The following CTPS1 variants were observed in gnomAD, a reference collection of about 807,000 sequenced individuals.
CTPS1 encodes CTP synthase 1.
In CTPS1, 25 loss-of-function variants were observed where a neutral mutation model predicts 80.5. That is an observed-to-expected ratio of 0.31 (90% CI 0.23 to 0.43). CTPS1 has a LOEUF of 0.43. CTPS1 is among the 20% of genes least tolerant of loss of function. The pLI, the probability that CTPS1 is intolerant of heterozygous loss-of-function variation, is 1.00. For synonymous variants in CTPS1, 267 were observed against 252.5 expected (o/e 1.06, Z -0.54); for missense variants, 442 against 725.7 (o/e 0.61, Z 4.49).
At chr1:41,008,612 A>G (rs767826271) in intron 14 of CTPS1, 47 bp from the exon 15 acceptor site, 1 of 1,590,240 alleles carries the variant, frequency 6.3e-7, no homozygotes. Context: ...TGAACGCATC[A>G]TCCTGTGAGA....
intron 4 of CTPS1, 39 bp downstream of exon 4, chr1:40,987,511 TCTC>T: frequency 7.1e-7 from 1 of 1,403,204 alleles, no homozygotes; most frequent in South Asian, 1.2e-5. Context: ...AGTGTACTCA[TCTC>T]CTTAGTCAGC....
At position 41,003,101 on chromosome 1, in the gene CTPS1, C is replaced by A; in HGVS notation, c.1190-13C>A. 6.2e-7 allele frequency: 1 copy of A among 1,613,942 alleles called. No homozygotes were observed. Among genetic ancestry groups the A allele is most frequent in the Non-Finnish European group, 8.5e-7 (1 of 1,179,912 alleles). On this transcript the variant is annotated splice_polypyrimidine_tract_variant and intron_variant, in intron 11 of 18. Coordinates refer to ENST00000650070, the MANE Select transcript of CTPS1 (RefSeq NM_001905.4). ...CAATGGAGTTTTGTTTGTTTTTTCC[C>A]CCCGACTGGAAGGCGTGTGCTTAGG...
chr1:40,998,396 T>TAAA (rs56282224), intron 9 of CTPS1, among the ~76,000 whole-genome samples: 4 of 64,588 alleles, frequency 6.2e-5, no homozygotes, highest in African/African-American at 2.3e-4. Context: ...AGACTCTGTC[T>TAAA]AAAAAAAAAA....
Position 41,002,213 on chromosome 1 carries a change from A to G in CTPS1, c.1148A>G (p.Gln383Arg). 2.5e-6 allele frequency: 4 copies of G among 1,614,200 alleles called. No homozygotes were observed. Among genetic ancestry groups the G allele is most frequent in the Non-Finnish European group, 3.4e-6 (4 of 1,180,042 alleles). ...GTTCGAGGAACAGAAGGAAAAATCC[A>G]AGCAATTGCCTGGGCTCGGAATCAG... Reference protein sequence around the residue: ...FGVRGTEGKIQAIAWARNQKK... With the variant: ...FGVRGTEGKIRAIAWARNQKK... The change falls in exon 11 of 19, where the codon CAA becomes CGA. Residue 383 changes from glutamine to arginine, a missense_variant. Gln to Arg is a conservative substitution (Grantham distance 43). This residue lies in a region of CTPS1 where 321 missense variants were observed against 467.2 expected (regional missense o/e 0.69). Transcript: ENST00000650070.
At chr1:41,001,151 T>G (rs377484928) in intron 10 of CTPS1, 34 bp downstream of exon 10, 262 of 1,512,712 alleles carry the variant, frequency 1.7e-4, no homozygotes, top group Non-Finnish European at 2.2e-4. Context: ...GTTTCCAGAG[T>G]TCTTTTGGTT....
chr1:40,984,356 T>C (rs561188480), intron 2 of CTPS1, among the ~76,000 whole-genome samples: 2 of 152,352 alleles, frequency 1.3e-5, no homozygotes, highest in South Asian at 4.1e-4. Flanking sequence ...CAAAGTTGTT[T>C]AGAACAAAAG....
At position 41,009,452 on chromosome 1, in the gene CTPS1, C is replaced by CTTTTTT. The variant is rs1570985483; in HGVS notation, c.1555_1560dup (p.Phe519_Phe520dup). ...TTTGAATCTCTATTTCAGATCATCCCTTTTTTGTTGGGGTTCAGTACCACC... is the reference window on the plus strand; with the variant it reads ...TTTGAATCTCTATTTCAGATCATCCCTTTTTTTTTTTTGTTGGGGTTCAGTACCACC... On this transcript the variant is annotated inframe_insertion, in exon 17 of 19. Transcript: ENST00000650070. The CTTTTTT allele has an allele frequency of 6.4e-7, 1 of 1,569,746 alleles. No individual in the cohort carries two copies. Among genetic ancestry groups the CTTTTTT allele is most frequent in the Admixed American group, 2.0e-5 (1 of 49,310 alleles).
Position 41,008,722 on chromosome 1 carries a change from T to G in CTPS1, c.1449+8T>G. On this transcript the variant is annotated splice_region_variant and intron_variant, in intron 15 of 18. Coordinates refer to ENST00000650070, the MANE Select transcript of CTPS1 (RefSeq NM_001905.4). The stretch of plus-strand genomic sequence containing the variant: ...CACCGCCACCGATTTGAGGTGAGGA[T>G]TCCAGCTTGCTGGTACTCTGGAAAG... The G allele has an allele frequency of 1.2e-6, 2 of 1,614,184 alleles. No individual in the cohort carries two copies. The highest frequency in any genetic ancestry group is 1.7e-6 in the Non-Finnish European group (2 of 1,180,014).
At chr1:40,986,700 G>T (rs781181691) in intron 3 of CTPS1, among the ~76,000 whole-genome samples, 5 of 152,204 alleles carry the variant, frequency 3.3e-5, no homozygotes, top group Non-Finnish European at 4.4e-5. Flanking sequence ...GATTTTTGAA[G>T]TGTTGAGCAA....
In CTPS1 at chr1:40,985,011, T is replaced by C. The variant is rs1368926714; in HGVS notation, c.337+20T>C. On this transcript the variant is annotated intron_variant, in intron 3 of 18. Transcript: ENST00000650070. ...TCCAAGGTAATACTGGATTTACCTT[T>C]AAAGCTTAAAAGTCTTAACCAGTTT... is the stretch of plus-strand genomic sequence containing the variant. 1.3e-6 allele frequency: 2 copies of C among 1,519,384 alleles called. No homozygotes were observed. Among genetic ancestry groups the C allele is most frequent in the Admixed American group, 1.9e-5 (1 of 51,474 alleles). The allele number at this position is 1,519,384 out of a possible 1,614,324, so 94.1% of individuals were successfully genotyped here. A position where few individuals can be genotyped will look rare whatever the true frequency, so the allele number is the denominator to read the frequency against.
At chr1:40,983,239 A>G in intron 1 of CTPS1, 39 bp from the exon 2 acceptor site, 1 of 1,565,346 alleles carries the variant, frequency 6.4e-7, no homozygotes, top group Non-Finnish European at 8.7e-7. Flanking sequence ...TGGTTTGTTG[A>G]GATACATTTA....
chr1:40,989,517 C>A (rs985721825), intron 5 of CTPS1, among the ~76,000 whole-genome samples: 4 of 152,084 alleles, frequency 2.6e-5, no homozygotes, highest in African/African-American at 9.7e-5. Context: ...TGGCGGCTCC[C>A]CATGAAATAA....
intron 1 of CTPS1, chr1:40,980,297 C>A (rs151320301): frequency 0.016 from 2,373 of 152,046 alleles, 58 homozygotes; most frequent in Admixed American, 0.057. Flanking sequence ...CCGGCCTCGG[C>A]GCGGGCTCAG....
chr1:41,008,880 G>A lies in CTPS1; in HGVS notation c.1536G>A (p.Val512=), dbSNP rs1296440029. The A allele has an allele frequency of 2.5e-6, 4 of 1,613,040 alleles. No individual in the cohort carries two copies. Among genetic ancestry groups the A allele is most frequent in the Non-Finnish European group, 3.4e-6 (4 of 1,179,062 alleles). The part of the protein sequence containing the change: ...QDVEGERMEI[V]ELEDHPFFVG... ...TTGAAGGAGAGAGAATGGAAATTGT[G>A]GAGTTAGAAGGTGATTATTCGGGCA... Residue 512 remains valine, a synonymous_variant, in exon 16 of 19, where the codon GTG becomes GTA. Coordinates refer to ENST00000650070, the MANE Select transcript of CTPS1 (RefSeq NM_001905.4).
chr1:40,982,428 C>T (rs115871146), intron 1 of CTPS1, among the ~76,000 whole-genome samples: 4 of 149,568 alleles, frequency 2.7e-5, no homozygotes, highest in Admixed American at 6.7e-5. Flanking sequence ...CTTATTCTGT[C>T]GCGCACGCTG....
chr1:41,001,026 C>A lies in CTPS1; in HGVS notation c.1006-3C>A. 4 of 1,605,154 alleles carry A rather than the reference C, an allele frequency of 2.5e-6. No homozygotes were observed. The highest frequency in any genetic ancestry group is 3.4e-6 in the Non-Finnish European group (4 of 1,176,864). ...TTTTCTCCCCTGTCTGAATAACATC[C>A]AGTACATAGATTCTGCGGACTTGGA... On this transcript the variant is annotated splice_polypyrimidine_tract_variant and splice_region_variant and intron_variant, in intron 9 of 18. Coordinates refer to ENST00000650070, the MANE Select transcript of CTPS1 (RefSeq NM_001905.4).
rs544496941 is a variant in CTPS1 at position 40,988,740 on chromosome 1, G to C, written c.555+30G>C. On this transcript the variant is annotated intron_variant, in intron 5 of 18. Transcript: ENST00000650070. ...GTAAGACATTGAAAGTTTTACTTTG[G>C]GGGAGATGGAGAGGAGGGAGGAAAG... 9 of 1,472,762 alleles carry C rather than the reference G, an allele frequency of 6.1e-6. No individual in the cohort carries two copies. In the East Asian group the frequency reaches 9.1e-5, roughly 15 times the overall value. The allele number at this position is 1,472,762 out of a possible 1,614,324, so 91.2% of individuals were successfully genotyped here.
In CTPS1 at chr1:40,980,204, C is replaced by T. The variant is rs1651805354; in HGVS notation, c.-14+375C>T. 3 of 151,994 alleles carry T rather than the reference C, an allele frequency of 2.0e-5. No homozygotes were observed. The South Asian group carries it at 6.2e-4, about 31-fold the overall frequency. The allele number at this position is 151,994 out of a possible 1,614,324, so 9.4% of individuals were successfully genotyped here. On this transcript the variant is annotated intron_variant, in intron 1 of 18. Coordinates refer to ENST00000650070, the MANE Select transcript of CTPS1 (RefSeq NM_001905.4). ...CGTAGGGGAGTGGAGCGGCGCCCCC[C>T]CCCACACCCTCCGCCCTTGCTCTTC... is the stretch of plus-strand genomic sequence containing the variant.
intron 6 of CTPS1, 139 bp downstream of exon 6, chr1:40,991,387 C>T: frequency 1.5e-6 from 1 of 664,682 alleles, no homozygotes. Flanking sequence ...GTTCTTTGAA[C>T]CGGGCTGTAG....
Sources: allele counts gnomAD v4.1 joint callset (sites outside exome capture counted in the v4.1 genomes callset), GRCh38; gene constraint gnomAD v4.1.1; regional missense constraint gnomAD v4.1.1; transcripts MANE v1.5; gene names NCBI Gene and HGNC (gene_info 2026-07-23, HGNC 2026-07-21).